Variants in SULF1 observed in about 807,000 individuals in gnomAD.
SULF1 encodes the protein extracellular sulfatase Sulf-1.
In SULF1, 46 loss-of-function variants were observed where a neutral mutation model predicts 110.5. That is an observed-to-expected ratio of 0.42 (90% CI 0.33 to 0.53). The LOEUF is 0.53. Ranked by LOEUF, SULF1 falls within the 20% of genes least tolerant of loss-of-function variation. SULF1 has a pLI of 0.12. For synonymous variants in SULF1, 371 were observed against 387.1 expected (o/e 0.96, Z 0.49); for missense variants, 941 against 1,094.2 (o/e 0.86, Z 1.98).
At chr8:69,520,461 A>G (rs1420936690) in intron 3 of SULF1, among the ~76,000 whole-genome samples, 2 of 152,180 alleles carry the variant, frequency 1.3e-5, no homozygotes, top group Non-Finnish European at 1.5e-5. Flanking sequence ...TTTGATCTCC[A>G]CATGAGAGTT....
At position 69,588,990 on chromosome 8, in the gene SULF1, AT is replaced by A. The variant is rs1248574556; in HGVS notation, c.584del (p.Ile195ThrfsTer22). ...DYAKDYFTDL[I>X]TNESINYFKM... ...GTTTCAGGACTACTTCACAGACTTA[AT>A]CACTAACGAGAGCATTAATTACTTC... On this transcript the variant is annotated frameshift_variant, in exon 8 of 23. Coordinates refer to ENST00000402687, the MANE Select transcript of SULF1 (RefSeq NM_001128205.2). LOFTEE classifies it high-confidence loss of function. 6.2e-7 allele frequency: 1 copy of A among 1,613,748 alleles called. No individual in the cohort carries two copies. The highest frequency in any genetic ancestry group is 1.3e-5 in the African/African-American group (1 of 75,042).
chr8:69,492,667 CT>C (rs552435258), upstream of SULF1: 511 of 152,274 alleles, frequency 3.4e-3, no homozygotes, highest in African/African-American at 0.01. Context: ...TTCAGTTGCC[CT>C]TTTTTTTCCC....
intron 1 of SULF1, among the ~76,000 whole-genome samples, chr8:69,468,672 G>T (rs1356723031): frequency 6.6e-6 from 1 of 152,150 alleles, no homozygotes; most frequent in East Asian, 1.9e-4. Context: ...AAAAAATAAA[G>T]ACAGAAAGGC....
chr8:69,536,491 C>G (rs1813436462), intron 3 of SULF1, among the ~76,000 whole-genome samples: 1 of 152,140 alleles, frequency 6.6e-6, no homozygotes, highest in Non-Finnish European at 1.5e-5. Flanking sequence ...TTCTTTGCAG[C>G]CTGTTGTTTG....
chr8:69,613,970 A>AT lies in SULF1; in HGVS notation c.1378-7065_1378-7064insT, dbSNP rs201817905. ...CATAGAGTTAGCAGCAAAAAAAAAA[A>AT]AATAATAAAATTAAGGTCTTTGAAT... On this transcript the variant is annotated intron_variant, in intron 13 of 22. Transcript: ENST00000402687. Among the ~76,000 whole-genome samples the AT allele has an allele frequency of 5.9e-3, 895 of 151,830 alleles. 6 individuals are homozygous for AT. Among genetic ancestry groups the AT allele is most frequent in the African/African-American group, 0.019 (781 of 41,400 alleles).
At chr8:69,567,532 C>T (rs540411085) in intron 5 of SULF1, among the ~76,000 whole-genome samples, 10 of 152,306 alleles carry the variant, frequency 6.6e-5, no homozygotes, top group Admixed American at 1.3e-4. Flanking sequence ...ATTCTACTTT[C>T]TGTCTCTGTG....
intron 22 of SULF1, among the ~76,000 whole-genome samples, chr8:69,645,965 C>T (rs1811879093): frequency 6.6e-6 from 1 of 151,924 alleles, no homozygotes; most frequent in African/African-American, 2.4e-5. Flanking sequence ...ATGAACTAGT[C>T]AGTAGATCTA....
chr8:69,493,442 CAACACT>C lies in SULF1; in HGVS notation c.-391+319_-391+324del, dbSNP rs1420449228. Reference sequence around the variant, plus strand: ...GATACACACCACACACACACACACACAACACTACACACACACACACACACACACACA... The same window carrying C: ...GATACACACCACACACACACACACACACACACACACACACACACACACACA... On this transcript the variant is annotated intron_variant, in intron 1 of 22. Coordinates refer to ENST00000402687, the MANE Select transcript of SULF1 (RefSeq NM_001128205.2). Among the ~76,000 whole-genome samples, 42 of 142,294 alleles carry C rather than the reference CAACACT, an allele frequency of 3.0e-4. 2 individuals carry two copies. In the East Asian group the frequency reaches 5.8e-3, roughly 20 times the overall value. 93.4% of individuals were successfully genotyped at this position (142,294 alleles called of 152,430 possible).
chr8:69,500,793 C>T (rs952293452), intron 2 of SULF1, among the ~76,000 whole-genome samples: 1 of 152,116 alleles, frequency 6.6e-6, no homozygotes, highest in Non-Finnish European at 1.5e-5. Flanking sequence ...TGGCATAAAA[C>T]TAGCGGCGGC....
At position 69,608,778 on chromosome 8, in the gene SULF1, G is replaced by A. The variant is rs147966836; in HGVS notation, c.1377+3846G>A. ...TGACTATGTGAACACAACAACCAGCGGGGACTAATTAAGACAACATGGACA... is the reference window on the plus strand; with the variant it reads ...TGACTATGTGAACACAACAACCAGCAGGGACTAATTAAGACAACATGGACA... On this transcript the variant is annotated intron_variant, in intron 13 of 22. Transcript: ENST00000402687. Among the ~76,000 whole-genome samples the A allele has an allele frequency of 3.1e-3, 475 of 152,248 alleles. 4 individuals carry two copies. The highest frequency in any genetic ancestry group is 0.011 in the African/African-American group (452 of 41,554).
At chr8:69,575,900 G>C (rs1438490819) in intron 5 of SULF1, 70 bp from the exon 6 acceptor site, 3 of 1,561,890 alleles carry the variant, frequency 1.9e-6, no homozygotes, top group African/African-American at 1.4e-5. Context: ...CAGAGGCACT[G>C]AGGGGCACAA....
chr8:69,552,788 C>T (rs1814821537), intron 3 of SULF1, among the ~76,000 whole-genome samples: 1 of 152,212 alleles, frequency 6.6e-6, no homozygotes, highest in Non-Finnish European at 1.5e-5. Flanking sequence ...TAGAAACAAT[C>T]TTGAATTATT....
chr8:69,473,662 AC>A (rs764449266), intron 1 of SULF1, among the ~76,000 whole-genome samples: 16 of 152,218 alleles, frequency 1.1e-4, no homozygotes, highest in Non-Finnish European at 1.8e-4. Context: ...TTATACCATA[AC>A]AATTGAATTG....
intron 8 of SULF1, among the ~76,000 whole-genome samples, chr8:69,598,308 G>A (rs374715447): frequency 2.6e-5 from 4 of 152,126 alleles, no homozygotes; most frequent in South Asian, 4.1e-4. Flanking sequence ...AAATTCAAGC[G>A]CCTCTGTTCT....
chr8:69,555,400 G>C (rs975359451), intron 3 of SULF1, among the ~76,000 whole-genome samples: 1 of 152,246 alleles, frequency 6.6e-6, no homozygotes, highest in Non-Finnish European at 1.5e-5. Context: ...GCTCACGCCT[G>C]TAATCCCAGC....
chr8:69,587,712 C>T (rs1027205464), intron 7 of SULF1, among the ~76,000 whole-genome samples: 4 of 152,190 alleles, frequency 2.6e-5, no homozygotes, highest in African/African-American at 9.7e-5. Context: ...CTCTCCTTTG[C>T]TGTCTGTAGG....
At chr8:69,572,976 T>C (rs1314315231) in intron 5 of SULF1, among the ~76,000 whole-genome samples, 3 of 152,206 alleles carry the variant, frequency 2.0e-5, no homozygotes, top group Non-Finnish European at 4.4e-5. Flanking sequence ...TACAGGCGCA[T>C]GCCATCATGC....
rs1217597813 is a variant in SULF1 at position 69,638,855 on chromosome 8, G to GT, written c.2550dup (p.Gly851TrpfsTer3). The stretch of plus-strand genomic sequence containing the variant: ...CAACCCAAGACCTAAGAATCTTGAT[G>GT]TTGGTAAGGAAAAAAATACTATTTT... On this transcript the variant is annotated frameshift_variant, in exon 21 of 23. Coordinates refer to ENST00000402687, the MANE Select transcript of SULF1 (RefSeq NM_001128205.2). LOFTEE classifies it high-confidence loss of function. 6.2e-7 allele frequency: 1 copy of GT among 1,601,712 alleles called. No individual in the cohort carries two copies. Among genetic ancestry groups the GT allele is most frequent in the East Asian group, 2.2e-5 (1 of 44,826 alleles).
At chr8:69,604,989 G>T (rs1160944336) in intron 13 of SULF1, 57 bp downstream of exon 13, 31 of 1,595,134 alleles carry the variant, frequency 1.9e-5, no homozygotes, top group Non-Finnish European at 2.6e-5. Flanking sequence ...CTCTAATTTA[G>T]AAAATTGTCC....
Sources: allele counts gnomAD v4.1 joint callset (sites outside exome capture counted in the v4.1 genomes callset), GRCh38; gene constraint gnomAD v4.1.1; transcripts MANE v1.5; gene names NCBI Gene and HGNC (gene_info 2026-07-23, HGNC 2026-07-21).